Variants in GSK3B observed in about 807,000 individuals in gnomAD.
GSK3B encodes glycogen synthase kinase-3 beta.
Under a neutral mutation model 56.4 loss-of-function variants are expected in GSK3B, and 15 were observed. The observed-to-expected ratio is 0.27, with a 90% CI of 0.18 to 0.41. GSK3B has a LOEUF of 0.41. GSK3B is among the 10% of genes least tolerant of loss of function. The pLI is 1.00. For missense variants in GSK3B, 300 were observed against 513.4 expected (o/e 0.58, Z 4.02); for synonymous variants, 181 against 188.9 (o/e 0.96, Z 0.34).
intron 2 of GSK3B, among the ~76,000 whole-genome samples, chr3:119,968,637 C>A (rs1488627904): frequency 6.6e-6 from 1 of 152,076 alleles, no homozygotes; most frequent in Admixed American, 6.5e-5. Context: ...AAAAACTCTA[C>A]AGCTAACATC....
intron 7 of GSK3B, among the ~76,000 whole-genome samples, chr3:119,901,539 G>T (rs2056625170): frequency 6.6e-6 from 1 of 152,130 alleles, no homozygotes; most frequent in Non-Finnish European, 1.5e-5. Flanking sequence ...AATTAAAAAT[G>T]TTAGCTAGAA....
At chr3:119,849,004 G>A (rs2055892835) in intron 9 of GSK3B, among the ~76,000 whole-genome samples, 1 of 152,128 alleles carries the variant, frequency 6.6e-6, no homozygotes, top group African/African-American at 2.4e-5. Context: ...AAGCTCCTAT[G>A]CCATTTTACT....
At chr3:119,847,669 G>T (rs529414341) in intron 9 of GSK3B, among the ~76,000 whole-genome samples, 14 of 152,144 alleles carry the variant, frequency 9.2e-5, no homozygotes, top group Non-Finnish European at 1.5e-4. Context: ...AAAATATCTC[G>T]GGGAAAGATG....
intron 1 of GSK3B, among the ~76,000 whole-genome samples, chr3:120,068,040 C>A (rs334563): frequency 0.52 from 79,820 of 152,078 alleles, 24,284 homozygotes; most frequent in African/African-American, 0.85. Flanking sequence ...ATGCATCCTT[C>A]TCTTTTAGAA....
chr3:120,040,560 T>G (rs566250795), intron 1 of GSK3B, among the ~76,000 whole-genome samples: 5 of 151,820 alleles, frequency 3.3e-5, no homozygotes, highest in South Asian at 2.1e-4. Flanking sequence ...CAGAGAAGAA[T>G]AGGCAAGAAG....
At chr3:119,925,123 G>GT (rs894010346) in intron 3 of GSK3B, among the ~76,000 whole-genome samples, 2 of 152,048 alleles carry the variant, frequency 1.3e-5, no homozygotes, top group Non-Finnish European at 2.9e-5. Context: ...GAGTTCATGA[G>GT]TTTGAGACCA....
chr3:120,088,257 A>G (rs1163649947), intron 1 of GSK3B, among the ~76,000 whole-genome samples: 1 of 151,522 alleles, frequency 6.6e-6, no homozygotes, highest in East Asian at 1.9e-4. Flanking sequence ...ATATTGGAAT[A>G]ATTTACTAAA....
At chr3:120,008,438 A>G (rs565011136) in intron 1 of GSK3B, among the ~76,000 whole-genome samples, 1 of 152,346 alleles carries the variant, frequency 6.6e-6, no homozygotes, top group African/African-American at 2.4e-5. Context: ...TGGAGGCATC[A>G]TGTAACCTGA....
At chr3:119,990,221 C>A (rs955876917) in intron 2 of GSK3B, among the ~76,000 whole-genome samples, 1 of 152,004 alleles carries the variant, frequency 6.6e-6, no homozygotes, top group African/African-American at 2.4e-5. Context: ...CCCTCCTGGC[C>A]GGAAAGATGT....
chr3:119,952,436 C>T (rs533738360), intron 2 of GSK3B, among the ~76,000 whole-genome samples: 5 of 145,218 alleles, frequency 3.4e-5, no homozygotes, highest in Admixed American at 2.1e-4. Context: ...TGCAGTGAGT[C>T]GAGATCGTGC....
intron 1 of GSK3B, among the ~76,000 whole-genome samples, chr3:120,060,626 T>G (rs2058228348): frequency 6.6e-6 from 1 of 152,046 alleles, no homozygotes; most frequent in Admixed American, 6.6e-5. Flanking sequence ...CTTGGAAGGC[T>G]GAGGTGGAAG....
chr3:119,969,526 A>C (rs1013333661), intron 2 of GSK3B, among the ~76,000 whole-genome samples: 1 of 152,218 alleles, frequency 6.6e-6, no homozygotes, highest in African/African-American at 2.4e-5. Context: ...AAGGCAAAAG[A>C]TTCAGAATAG....
At chr3:119,849,036 C>A (rs1240025796) in intron 9 of GSK3B, among the ~76,000 whole-genome samples, 1 of 152,082 alleles carries the variant, frequency 6.6e-6, no homozygotes, top group Non-Finnish European at 1.5e-5. Flanking sequence ...CAATTTTAAC[C>A]CATAATCTTA....
At chr3:119,890,744 T>TA (rs11356363) in intron 7 of GSK3B, among the ~76,000 whole-genome samples, 281 of 130,838 alleles carry the variant, frequency 2.1e-3, no homozygotes, top group East Asian at 7.2e-3. Context: ...ATTTAAAAAG[T>TA]AAAAAAAAAA....
chr3:120,031,531 T>C (rs1460497786), intron 1 of GSK3B, among the ~76,000 whole-genome samples: 1 of 152,168 alleles, frequency 6.6e-6, no homozygotes, highest in Non-Finnish European at 1.5e-5. Flanking sequence ...AGCCTTTTTT[T>C]CCCATGGCCC....
chr3:119,931,250 A>G (rs1193772902), intron 3 of GSK3B, among the ~76,000 whole-genome samples: 2 of 152,194 alleles, frequency 1.3e-5, no homozygotes, highest in South Asian at 4.1e-4. Context: ...CAGGTTTGCT[A>G]TTTCCTTAAT....
intron 2 of GSK3B, among the ~76,000 whole-genome samples, chr3:119,963,625 C>CAAAAAAAAAAAAAAAAAAAAAAAAAAAAA (rs774359104): frequency 6.3e-5 from 5 of 79,100 alleles, no homozygotes; most frequent in South Asian, 4.6e-4. Flanking sequence ...TTCTTCCCCA[C>CAAAAAAAAAAAAAAAAAAAAAAAAAAAAA]AAAAAAAAAA....
At chr3:120,028,695 C>G (rs1376763771) in intron 1 of GSK3B, 1 of 440,230 alleles carries the variant, frequency 2.3e-6, no homozygotes, top group Non-Finnish European at 4.5e-6. Flanking sequence ...CCACACGTCT[C>G]AAAACCATGT....
chr3:119,916,393 CTTCA>C (rs2056781466), intron 4 of GSK3B, among the ~76,000 whole-genome samples: 1 of 152,160 alleles, frequency 6.6e-6, no homozygotes, highest in African/African-American at 2.4e-5. Flanking sequence ...GTACTATTCG[CTTCA>C]TTCTTTAATA....
Sources: gnomAD v4.1 joint callset for allele counts (sites outside exome capture counted in the v4.1 genomes callset) on GRCh38, gnomAD v4.1.1 for gene constraint, MANE v1.5 for transcripts, NCBI Gene and HGNC (gene_info 2026-07-23, HGNC 2026-07-21) for gene names.